The following TANC2 variants were observed in gnomAD, a reference collection of about 807,000 sequenced individuals.
TANC2 encodes protein TANC2.
TANC2 carries 26 observed loss-of-function variants against 210.5 expected under a neutral mutation model. The observed-to-expected ratio is 0.12, with a 90% CI of 0.09 to 0.17. The LOEUF (loss-of-function observed/expected upper bound fraction) is 0.17. Among genes scored for constraint, TANC2 ranks in the 10% least tolerant of loss-of-function variants. TANC2 has a pLI of 1.00. For missense variants in TANC2, 2,129 were observed against 2,608.9 expected (o/e 0.82, Z 4.01); for synonymous variants, 931 against 967.1 (o/e 0.96, Z 0.69).
chr17:62,993,221 C>A (rs1473095165), intron 1 of TANC2, among the ~76,000 whole-genome samples: 2 of 152,174 alleles, frequency 1.3e-5, no homozygotes, highest in African/African-American at 4.8e-5. Flanking sequence ...TTCACAAATT[C>A]CAGAAGTTAG....
intron 12 of TANC2, among the ~76,000 whole-genome samples, chr17:63,343,035 A>G (rs888715300): frequency 1.3e-5 from 2 of 152,252 alleles, no homozygotes; most frequent in African/African-American, 4.8e-5. Context: ...AAAATTTATT[A>G]GAGTGACCCA....
intron 2 of TANC2, among the ~76,000 whole-genome samples, chr17:63,055,816 C>A: frequency 6.7e-6 from 1 of 149,156 alleles, no homozygotes. Flanking sequence ...GTAATGGATT[C>A]CTAGATTCTA....
At chr17:63,050,206 C>T (rs1267711940) in intron 2 of TANC2, among the ~76,000 whole-genome samples, 2 of 151,620 alleles carry the variant, frequency 1.3e-5, no homozygotes, top group South Asian at 2.1e-4. Flanking sequence ...TAAGCATAAC[C>T]TCCAAAATAA....
chr17:63,422,854 A>G (rs2049059810), exon 28 of TANC2: 1 of 152,206 alleles, frequency 6.6e-6, no homozygotes, highest in Admixed American at 6.5e-5. Context: ...TCTGTTCTGG[A>G]GACATCTACT....
chr17:62,993,638 T>G (rs1352421079), intron 1 of TANC2, among the ~76,000 whole-genome samples: 1 of 152,168 alleles, frequency 6.6e-6, no homozygotes, highest in East Asian at 1.9e-4. Context: ...ATACAACTAA[T>G]TTTTCAGGCC....
intron 2 of TANC2, among the ~76,000 whole-genome samples, chr17:63,063,554 GTGTGTGTGTGTGTGTGTGTGT>G (rs1464139902): frequency 2.9e-5 from 3 of 103,274 alleles, no homozygotes; most frequent in South Asian, 2.8e-4. Flanking sequence ...GTGTGTGTGT[GTGTGTGTGTGTGTGTGTGTGT>G]AGATATATCT....
At chr17:63,058,953 A>G (rs1291767856) in intron 2 of TANC2, among the ~76,000 whole-genome samples, 3 of 152,040 alleles carry the variant, frequency 2.0e-5, no homozygotes. Context: ...ATTTTTAAAT[A>G]GTTTTTTTCC....
intron 1 of TANC2, among the ~76,000 whole-genome samples, chr17:62,982,042 T>A (rs1202858487): frequency 1.3e-5 from 2 of 151,426 alleles, no homozygotes; most frequent in Non-Finnish European, 3.0e-5. Flanking sequence ...CATGACTGAT[T>A]GAATCATTGG....
chr17:63,402,018 T>C (rs1445630827), intron 19 of TANC2, among the ~76,000 whole-genome samples: 1 of 152,206 alleles, frequency 6.6e-6, no homozygotes, highest in African/African-American at 2.4e-5. Context: ...CATAGTCTGT[T>C]TGTGTCACTT....
chr17:63,116,877 TA>T (rs1399299580), intron 4 of TANC2: 8 of 152,240 alleles, frequency 5.3e-5, no homozygotes, highest in Admixed American at 5.2e-4. Context: ...ATTAGCTTGC[TA>T]AAGTATTAAT....
At chr17:63,271,294 G>A (rs1039650276) in intron 9 of TANC2, among the ~76,000 whole-genome samples, 3 of 152,076 alleles carry the variant, frequency 2.0e-5, no homozygotes, top group African/African-American at 7.2e-5. Context: ...CTGTGTATAA[G>A]TGTTCCTTTT....
At chr17:63,110,376 A>C (rs2037988960) in intron 4 of TANC2, among the ~76,000 whole-genome samples, 1 of 151,798 alleles carries the variant, frequency 6.6e-6, no homozygotes, top group South Asian at 2.1e-4. Context: ...TAATTTTCTT[A>C]ATGGAGAACA....
Position 62,966,401 on chromosome 17 carries a change from C to A in TANC2, c.-372C>A, listed in dbSNP as rs2031334145. ...TGGCGCTGCCCTCCCGCCGCCACCG[C>A]CCTCCGCGCCTCCTTCGGGCGGCCC... On this transcript the variant is annotated 5_prime_UTR_variant, in exon 1 of 28. Coordinates refer to ENST00000689528, the Ensembl canonical transcript of TANC2. The surrounding 1 kb of genome is among the most constrained non-coding windows in gnomAD (Gnocchi z 5.1). Among the ~76,000 whole-genome samples, 1 of 147,742 alleles carries A rather than the reference C, an allele frequency of 6.8e-6. No individual in the cohort carries two copies. The highest frequency in any genetic ancestry group is 2.4e-5 in the African/African-American group (1 of 40,984).
chr17:62,991,444 A>G (rs555419179), intron 1 of TANC2, among the ~76,000 whole-genome samples: 1 of 151,868 alleles, frequency 6.6e-6, no homozygotes, highest in South Asian at 2.1e-4. Context: ...CGAGACCATC[A>G]TGGCTAACAC....
intron 9 of TANC2, among the ~76,000 whole-genome samples, chr17:63,306,404 A>G (rs1201427941): frequency 2.6e-5 from 4 of 152,320 alleles, no homozygotes; most frequent in African/African-American, 9.6e-5. Context: ...TATTTTAATA[A>G]AACTCTCTTG....
At chr17:63,311,066 A>G (rs1404822334) in intron 9 of TANC2, among the ~76,000 whole-genome samples, 3 of 152,200 alleles carry the variant, frequency 2.0e-5, no homozygotes, top group Non-Finnish European at 4.4e-5. Flanking sequence ...CAAATAACTT[A>G]ATCTCTTTTT....
chr17:63,308,085 T>G (rs1025862886), intron 9 of TANC2, among the ~76,000 whole-genome samples: 1 of 152,098 alleles, frequency 6.6e-6, no homozygotes, highest in Non-Finnish European at 1.5e-5. Context: ...GTTTTAATCC[T>G]TTCCTCCCAG....
chr17:63,386,822 A>G (rs888589505), intron 15 of TANC2, among the ~76,000 whole-genome samples: 5 of 151,998 alleles, frequency 3.3e-5, no homozygotes, highest in Admixed American at 1.3e-4. Flanking sequence ...GAAATGTAGA[A>G]GTCTTTTTTC....
intron 5 of TANC2, among the ~76,000 whole-genome samples, chr17:63,157,705 A>T (rs914691931): frequency 6.6e-6 from 1 of 152,168 alleles, no homozygotes; most frequent in Non-Finnish European, 1.5e-5. Context: ...AAATAAAAAT[A>T]TAAACATACA....
Sources: gnomAD v4.1 joint callset for allele counts (sites outside exome capture counted in the v4.1 genomes callset) on GRCh38, gnomAD v4.1.1 for gene constraint, Gnocchi (gnomAD v3.1) non-coding constraint, MANE v1.5 for transcripts, NCBI Gene and HGNC (gene_info 2026-07-23, HGNC 2026-07-21) for gene names.